CABP5: variants seen among roughly 807,000 people sequenced by gnomAD.
CABP5 encodes the protein calcium binding protein 5, also known as calcium-binding protein 5.
A neutral mutation model predicts 21.9 loss-of-function variants in CABP5; 17 were observed. The ratio of observed to expected loss-of-function variants is 0.78; its 90% CI spans 0.53 to 1.17. The LOEUF (loss-of-function observed/expected upper bound fraction) is 1.17. Ranked by LOEUF, CABP5 falls within the 50% of genes most tolerant of loss-of-function variation. The pLI, the probability that CABP5 is intolerant of heterozygous loss-of-function variation, is 0.00. For synonymous variants in CABP5, 85 were observed against 79.4 expected (o/e 1.07, Z -0.37); for missense variants, 229 against 228.9 (o/e 1.00, Z 0.00).
At chr19:48,041,464 A>T (rs1246495488) in intron 2 of CABP5, 109 bp downstream of exon 2, 3 of 1,033,580 alleles carry the variant, frequency 2.9e-6, no homozygotes, top group South Asian at 2.8e-5. Flanking sequence ...AGAGAGAGGG[A>T]TTGTAAAAAT....
Position 48,041,258 on chromosome 19 carries a change from C to A in CABP5, c.94+315G>T, listed in dbSNP as rs541228783. On this transcript the variant is annotated intron_variant, in intron 2 of 5. Transcript: ENST00000293255. ...GCAAAAGAGGCATCATTCCTGAGAC[C>A]ACTAAATGAGAGCACTGGCGTCCTT... The A allele has an allele frequency of 4.5e-5, 19 of 425,912 alleles. 1 individual carries two copies. The Admixed American group carries it at 4.9e-4, about 11-fold the overall frequency. The allele number at this position is 425,912 out of a possible 1,614,324, so 26.4% of individuals were successfully genotyped here. A position where few individuals can be genotyped will look rare whatever the true frequency, so the allele number is the denominator to read the frequency against.
intron 4 of CABP5, among the ~76,000 whole-genome samples, chr19:48,035,899 C>G (rs1416997126): frequency 1.3e-5 from 2 of 152,148 alleles, no homozygotes; most frequent in Non-Finnish European, 2.9e-5. Context: ...GAATTTTAAG[C>G]AGGGGAGTGA....
intron 4 of CABP5, among the ~76,000 whole-genome samples, chr19:48,035,311 G>T (rs1323498052): frequency 2.0e-5 from 3 of 152,172 alleles, no homozygotes; most frequent in Non-Finnish European, 4.4e-5. Flanking sequence ...TTTAAAAGCT[G>T]AATATGCCGG....
intron 1 of CABP5, among the ~76,000 whole-genome samples, chr19:48,042,831 C>T (rs1468174035): frequency 6.6e-6 from 1 of 152,174 alleles, no homozygotes; most frequent in Non-Finnish European, 1.5e-5. Context: ...CTTTGGCCTC[C>T]CAAAGGGCTG....
Position 48,043,932 on chromosome 19 carries a change from G to A in CABP5, c.-10C>T. ...CCATGGGGAACTGCATGGAGGGGTG[G>A]GGTGGAGCTCGCAGGGCACCAGTCT... On this transcript the variant is annotated 5_prime_UTR_variant, in exon 1 of 6. Transcript: ENST00000293255. 6.6e-6 allele frequency: 10 copies of A among 1,508,522 alleles called. No homozygotes were observed. The highest frequency in any genetic ancestry group is 7.0e-6 in the Non-Finnish European group (8 of 1,134,874). The allele number at this position is 1,508,522 out of a possible 1,614,324, so 93.4% of individuals were successfully genotyped here.
intron 1 of CABP5, among the ~76,000 whole-genome samples, chr19:48,042,394 C>G (rs1967492070): frequency 6.6e-6 from 1 of 152,210 alleles, no homozygotes; most frequent in Non-Finnish European, 1.5e-5. Flanking sequence ...GCTGCCCCAC[C>G]TACTCCTGCA....
chr19:48,041,547 G>C, intron 2 of CABP5, 26 bp downstream of exon 2: 1 of 1,611,526 alleles, frequency 6.2e-7, no homozygotes, highest in Non-Finnish European at 8.5e-7. Context: ...TGGCAACGTG[G>C]AAGCAACTGG....
chr19:48,041,006 A>G (rs1967474888), intron 2 of CABP5, among the ~76,000 whole-genome samples: 1 of 114,132 alleles, frequency 8.8e-6, no homozygotes, highest in African/African-American at 3.1e-5. Context: ...GCAGAACCCC[A>G]TCTCTACTAA....
rs951029450 is a variant in CABP5 at position 48,040,819 on chromosome 19, A to G, written c.95-71T>C. Reference sequence around the variant, plus strand: ...GGGAAGAGTGGCATCTCTTGAAGCTATCAATGAGGCTCCAACTAGAGACTC... The same window carrying G: ...GGGAAGAGTGGCATCTCTTGAAGCTGTCAATGAGGCTCCAACTAGAGACTC... On this transcript the variant is annotated intron_variant, in intron 2 of 5. Transcript: ENST00000293255. 6 of 1,488,898 alleles carry G rather than the reference A, an allele frequency of 4.0e-6. No homozygotes were observed. The Admixed American group carries it at 5.2e-5, about 13-fold the overall frequency. The allele number at this position is 1,488,898 out of a possible 1,614,324, so 92.2% of individuals were successfully genotyped here.
intron 4 of CABP5, among the ~76,000 whole-genome samples, chr19:48,037,787 A>G (rs1169432019): frequency 6.6e-6 from 1 of 152,194 alleles, no homozygotes; most frequent in Non-Finnish European, 1.5e-5. Flanking sequence ...GGTGCTTAGC[A>G]TGCTTAATTA....
Position 48,030,493 on chromosome 19 carries a change from G to A in CABP5, c.*64C>T. On this transcript the variant is annotated 3_prime_UTR_variant, in exon 6 of 6. Coordinates refer to ENST00000293255, the MANE Select transcript of CABP5 (RefSeq NM_019855.5). ...GGGGATCTGGGGCTTTTGGGCTTTGGTTCTCCACAAGCGCTTGCTCCATGT... is the reference window on the plus strand; with the variant it reads ...GGGGATCTGGGGCTTTTGGGCTTTGATTCTCCACAAGCGCTTGCTCCATGT... 3 of 1,545,456 alleles carry A rather than the reference G, an allele frequency of 1.9e-6. No homozygotes were observed. The highest frequency in any genetic ancestry group is 2.6e-6 in the Non-Finnish European group (3 of 1,137,750).
chr19:48,043,791 C>A, intron 1 of CABP5, 69 bp downstream of exon 1: 2 of 1,286,076 alleles, frequency 1.6e-6, no homozygotes, highest in Admixed American at 3.5e-5. Context: ...CATCATGTCC[C>A]CTTCTTTGTC....
intron 5 of CABP5, among the ~76,000 whole-genome samples, chr19:48,032,644 T>G (rs1374285215): frequency 1.7e-5 from 2 of 115,404 alleles, no homozygotes; most frequent in African/African-American, 5.5e-5. Flanking sequence ...TCTTTTTTTC[T>G]TTTTTTGAGA....
chr19:48,031,176 C>T (rs1038746920), intron 5 of CABP5, among the ~76,000 whole-genome samples: 1 of 152,088 alleles, frequency 6.6e-6, no homozygotes, highest in Non-Finnish European at 1.5e-5. Context: ...CCTAGTATTG[C>T]TATTTCCTTA....
In CABP5 at chr19:48,044,057, C is replaced by T. The variant is rs528657649; in HGVS notation, c.-135G>A. On this transcript the variant is annotated 5_prime_UTR_variant, in exon 1 of 6. Transcript: ENST00000293255. ...TTCCTGCCTCTCTTGGCTTCTCCTTCGGTCCCGGTGTCTTAGAGCTGTGAC... is the reference window on the plus strand; with the variant it reads ...TTCCTGCCTCTCTTGGCTTCTCCTTTGGTCCCGGTGTCTTAGAGCTGTGAC... 2.6e-4 allele frequency: 180 copies of T among 695,910 alleles called. No individual in the cohort carries two copies. In the African/African-American group the frequency reaches 3.1e-3, roughly 12 times the overall value. 43.1% of individuals were successfully genotyped at this position (695,910 alleles called of 1,614,324 possible).
At position 48,034,205 on chromosome 19, in the gene CABP5, T is replaced by C; in HGVS notation, c.496+10A>G. The C allele has an allele frequency of 6.4e-7, 1 of 1,551,990 alleles. No homozygotes were observed. The highest frequency in any genetic ancestry group is 2.4e-5 in the East Asian group (1 of 41,022). On this transcript the variant is annotated intron_variant, in intron 5 of 5. Transcript: ENST00000293255. ...TGCCCCCGCTCCCCACCACGCCCCG[T>C]CAATGTCACCTTCAAAGTCAACTGT...
chr19:48,039,343 G>A (rs1362955953), intron 3 of CABP5, 26 bp from the exon 4 acceptor site: 7 of 1,573,510 alleles, frequency 4.4e-6, no homozygotes, highest in Non-Finnish European at 5.2e-6. Flanking sequence ...CAGGATTAGC[G>A]AGACCCCACA....
intron 4 of CABP5, among the ~76,000 whole-genome samples, chr19:48,037,837 GTTATGCTAATTATA>G (rs1325035496): frequency 6.6e-6 from 1 of 152,110 alleles, no homozygotes; most frequent in African/African-American, 2.4e-5. Context: ...ATACAAGTAC[GTTATGCTAATTATA>G]TTAGCATACT....
chr19:48,035,822 C>T (rs540350344), intron 4 of CABP5, among the ~76,000 whole-genome samples: 4 of 152,138 alleles, frequency 2.6e-5, no homozygotes, highest in African/African-American at 7.2e-5. Flanking sequence ...GGCCCAAGTA[C>T]GTAGGGGCTT....
Sources: gnomAD v4.1 joint callset for allele counts (sites outside exome capture counted in the v4.1 genomes callset) on GRCh38, gnomAD v4.1.1 for gene constraint, MANE v1.5 for transcripts, NCBI Gene and HGNC (gene_info 2026-07-23, HGNC 2026-07-21) for gene names.